The following VPS13A variants were observed in gnomAD, a reference collection of about 807,000 sequenced individuals.
The protein encoded by VPS13A is vacuolar protein sorting 13 homolog A.
A neutral mutation model predicts 390.9 loss-of-function variants in VPS13A; 264 were observed. That is an observed-to-expected ratio of 0.68 (90% CI 0.61 to 0.75). VPS13A has a LOEUF of 0.75. VPS13A is among the 30% of genes least tolerant of loss of function. The probability of loss-of-function intolerance (pLI) is 0.00; values close to 1 mark genes in which losing one functional copy is unlikely to be tolerated. For synonymous variants in VPS13A, 1,231 were observed against 1,227.1 expected (o/e 1.00, Z -0.07); for missense variants, 3,409 against 3,733.9 (o/e 0.91, Z 2.27).
chr9:77,278,738 C>G (rs1826841887), intron 26 of VPS13A, among the ~76,000 whole-genome samples: 1 of 152,114 alleles, frequency 6.6e-6, no homozygotes. Context: ...TTCTTCCAGT[C>G]TTTAGATACT....
intron 1 of VPS13A, among the ~76,000 whole-genome samples, chr9:77,188,540 A>C (rs1032751193): frequency 6.6e-6 from 1 of 152,100 alleles, no homozygotes; most frequent in African/African-American, 2.4e-5. Context: ...TGTTGATTCC[A>C]TGTCTTTGCT....
At chr9:77,380,274 G>C (rs575162915) in intron 67 of VPS13A, among the ~76,000 whole-genome samples, 32 of 151,274 alleles carry the variant, frequency 2.1e-4, no homozygotes, top group African/African-American at 7.3e-4. Context: ...TATATTGTTA[G>C]ATCATATTTT....
intron 31 of VPS13A, among the ~76,000 whole-genome samples, chr9:77,284,154 A>G (rs1339363930): frequency 6.6e-6 from 1 of 152,018 alleles, no homozygotes; most frequent in Non-Finnish European, 1.5e-5. Context: ...AGGTTAGGTA[A>G]TTTGTTACTG....
chr9:77,210,639 G>A lies in VPS13A; in HGVS notation c.519G>A (p.Leu173=), dbSNP rs766587340. 8.7e-6 allele frequency: 14 copies of A among 1,613,796 alleles called. No homozygotes were observed. The highest frequency in any genetic ancestry group is 2.2e-5 in the South Asian group (2 of 91,074). ...EDDITNRDKP[L]SFGISLQNLS... ...AGATCACAAATCGGGACAAACCGCT[G>A]TCATTTGGTATTTCCCTTCAAAATC... is the stretch of plus-strand genomic sequence containing the variant. The change falls in exon 7 of 72, where the codon CTG becomes CTA. Residue 173 remains leucine, a synonymous_variant. Coordinates refer to ENST00000360280, the MANE Select transcript of VPS13A (RefSeq NM_033305.3).
At chr9:77,274,161 G>A (rs1413305803) in intron 24 of VPS13A, among the ~76,000 whole-genome samples, 1 of 152,152 alleles carries the variant, frequency 6.6e-6, no homozygotes, top group Non-Finnish European at 1.5e-5. Context: ...CAGGCGCAGT[G>A]GCTCATGCCT....
intron 46 of VPS13A, among the ~76,000 whole-genome samples, chr9:77,334,933 C>T (rs2131490943): frequency 6.6e-6 from 1 of 152,184 alleles, no homozygotes; most frequent in Admixed American, 6.5e-5. Context: ...GTCCAGGGTG[C>T]CAGTAGCTGG....
In VPS13A at chr9:77,400,928, A is replaced by C. The variant is rs910355076; in HGVS notation, c.9190-2308A>C. 6.6e-5 allele frequency among the ~76,000 whole-genome samples: 10 copies of C among 152,232 alleles called. No homozygotes were observed. The East Asian group carries it at 1.7e-3, about 26-fold the overall frequency. ...GATCCATGTAGAATTGATAGGGTAT[A>C]TAGAGAGAAGGATACAGCTTTAGCC... On this transcript the variant is annotated intron_variant, in intron 68 of 71. Transcript: ENST00000360280.
chr9:77,196,352 C>T (rs1825000707), intron 1 of VPS13A, among the ~76,000 whole-genome samples: 1 of 152,140 alleles, frequency 6.6e-6, no homozygotes, highest in Non-Finnish European at 1.5e-5. Context: ...AATCTTTCTT[C>T]TAGCTATGTT....
At chr9:77,205,623 G>A (rs563237008) in intron 4 of VPS13A, among the ~76,000 whole-genome samples, 5 of 151,162 alleles carry the variant, frequency 3.3e-5, no homozygotes, top group Middle Eastern at 3.4e-3. Context: ...ATGGAGTCTC[G>A]CACTGTCACC....
chr9:77,365,673 TA>T, intron 60 of VPS13A, 100 bp downstream of exon 60: 1 of 724,952 alleles, frequency 1.4e-6, no homozygotes, highest in Non-Finnish European at 2.3e-6. Context: ...AATCTGTAAA[TA>T]TACAATTAAA....
chr9:77,371,441 A>G (rs1267161689), intron 67 of VPS13A, among the ~76,000 whole-genome samples: 1 of 152,140 alleles, frequency 6.6e-6, no homozygotes, highest in Admixed American at 6.5e-5. Context: ...AGGGAACCAA[A>G]GTCACCCTTT....
At chr9:77,256,388 T>A (rs1825444245) in intron 22 of VPS13A, among the ~76,000 whole-genome samples, 2 of 152,172 alleles carry the variant, frequency 1.3e-5, no homozygotes, top group Admixed American at 1.3e-4. Flanking sequence ...TAACATTTTT[T>A]GACGCTTGGT....
intron 29 of VPS13A, 129 bp downstream of exon 29, chr9:77,282,403 A>G (rs373891863): frequency 8.1e-5 from 68 of 838,920 alleles, no homozygotes; most frequent in Admixed American, 7.4e-4. Flanking sequence ...GTTAATATCT[A>G]GAAGGATTCA....
chr9:77,227,030 T>C (rs1823554504), intron 15 of VPS13A, among the ~76,000 whole-genome samples: 1 of 152,104 alleles, frequency 6.6e-6, no homozygotes, highest in Admixed American at 6.5e-5. Flanking sequence ...GTTATTTAAG[T>C]GCACTAAACT....
intron 33 of VPS13A, among the ~76,000 whole-genome samples, chr9:77,297,142 G>A (rs561617834): frequency 6.7e-6 from 1 of 150,196 alleles, no homozygotes; most frequent in Non-Finnish European, 1.5e-5. Context: ...TTATTATTCT[G>A]CTTACTTTAG....
At chr9:77,374,275 T>C (rs1832952938) in intron 67 of VPS13A, among the ~76,000 whole-genome samples, 1 of 152,196 alleles carries the variant, frequency 6.6e-6, no homozygotes, top group Non-Finnish European at 1.5e-5. Context: ...TGATGAAGTT[T>C]AATTTTAAAT....
chr9:77,380,982 A>C (rs959158716), intron 67 of VPS13A, among the ~76,000 whole-genome samples: 1 of 152,324 alleles, frequency 6.6e-6, no homozygotes, highest in Non-Finnish European at 1.5e-5. Flanking sequence ...ATGGACCGGT[A>C]CTGGTTCAAG....
rs370242820 is a variant in VPS13A at position 77,302,874 on chromosome 9, G to A, written c.3813-41G>A. 4.7e-5 allele frequency: 74 copies of A among 1,575,102 alleles called. No homozygotes were observed. In the East Asian group the frequency reaches 1.0e-3, roughly 22 times the overall value. On this transcript the variant is annotated intron_variant, in intron 33 of 71. Coordinates refer to ENST00000360280, the MANE Select transcript of VPS13A (RefSeq NM_033305.3). The stretch of plus-strand genomic sequence containing the variant: ...TTAATCTTTTTTTAACTACCTGAAT[G>A]TATATGAAACAATTTAAAAGAATGT...
At chr9:77,406,832 C>T (rs568184046) in intron 70 of VPS13A, among the ~76,000 whole-genome samples, 26 of 152,064 alleles carry the variant, frequency 1.7e-4, no homozygotes, top group African/African-American at 5.3e-4. Context: ...TTACTTTGCC[C>T]TCTATGACCT....
Sources: allele counts gnomAD v4.1 joint callset (sites outside exome capture counted in the v4.1 genomes callset), GRCh38; gene constraint gnomAD v4.1.1; transcripts MANE v1.5; gene names NCBI Gene and HGNC (gene_info 2026-07-23, HGNC 2026-07-21).